INSL6: variants seen among roughly 807,000 people sequenced by gnomAD.
INSL6 encodes insulin like 6.
A neutral mutation model predicts 9.4 loss-of-function variants in INSL6; 16 were observed. That is an observed-to-expected ratio of 1.70 (90% CI 1.15 to 2.59). INSL6 has a LOEUF of 2.59. Among genes scored for constraint, INSL6 ranks in the 30% most tolerant of loss-of-function variants. The pLI is 0.00. For synonymous variants in INSL6, 154 were observed against 96.9 expected (o/e 1.59, Z -3.46); for missense variants, 391 against 257.3 (o/e 1.52, Z -3.56).
chr9:5,110,793 G>A, the INSL6 span: 12 of 408,290 alleles, frequency 2.9e-5, no homozygotes, highest in African/African-American at 2.1e-4. Flanking sequence ...CCCGGGCCAC[G>A]CGCGACGCCT....
At chr9:5,093,744 C>T in the INSL6 span, among the ~76,000 whole-genome samples, 1 of 152,110 alleles carries the variant, frequency 6.6e-6, no homozygotes, top group Non-Finnish European at 1.5e-5. Context: ...GATAACAGTG[C>T]AATCCTATTC....
the INSL6 span, among the ~76,000 whole-genome samples, chr9:5,088,188 T>G: frequency 6.6e-6 from 1 of 152,154 alleles, no homozygotes; most frequent in African/African-American, 2.4e-5. Context: ...AAGTTGTGGA[T>G]CAATATTCTA....
chr9:5,127,342 C>T (rs535932486), intron 3 of INSL6: 2 of 231,998 alleles, frequency 8.6e-6, no homozygotes, highest in East Asian at 1.2e-4. Flanking sequence ...TGTCCTTGTT[C>T]ATTTATATCG....
chr9:5,145,130 C>T (rs1271375217), intron 2 of INSL6, among the ~76,000 whole-genome samples: 1 of 152,156 alleles, frequency 6.6e-6, no homozygotes, highest in African/African-American at 2.4e-5. Context: ...TTAGTCCCTC[C>T]TTCAAGAGCT....
At chr9:5,141,399 T>C (rs182804500) in intron 2 of INSL6, among the ~76,000 whole-genome samples, 143 of 152,266 alleles carry the variant, frequency 9.4e-4, no homozygotes, top group East Asian at 1.7e-3. Flanking sequence ...GCCACTCTTA[T>C]TGGCATGAGA....
chr9:5,095,605 A>T, the INSL6 span, among the ~76,000 whole-genome samples: 1 of 152,096 alleles, frequency 6.6e-6, no homozygotes, highest in Admixed American at 6.5e-5. Flanking sequence ...AATGTCTGGC[A>T]TACTTCTCCT....
intron 3 of INSL6, chr9:5,132,032 G>C (rs971312015): frequency 6.6e-6 from 1 of 152,046 alleles, no homozygotes; most frequent in African/African-American, 2.4e-5. Flanking sequence ...TTTGCAGTTT[G>C]TTGAATAGAA....
At chr9:5,072,215 A>AT in the INSL6 span, among the ~76,000 whole-genome samples, 1 of 152,208 alleles carries the variant, frequency 6.6e-6, no homozygotes, top group Non-Finnish European at 1.5e-5. Context: ...CACTGACTCT[A>AT]TTTTTAAAAA....
intron 2 of INSL6, among the ~76,000 whole-genome samples, chr9:5,137,994 C>T (rs1454685627): frequency 5.3e-5 from 8 of 152,180 alleles, no homozygotes; most frequent in Non-Finnish European, 1.2e-4. Context: ...CTCATCATCA[C>T]TGGTCATTAG....
chr9:5,072,076 T>A, the INSL6 span, among the ~76,000 whole-genome samples: 1 of 152,168 alleles, frequency 6.6e-6, no homozygotes, highest in Non-Finnish European at 1.5e-5. Context: ...AGAGATTAAA[T>A]AGCCTGTACA....
chr9:5,001,410 T>G, the INSL6 span, among the ~76,000 whole-genome samples: 1 of 152,166 alleles, frequency 6.6e-6, no homozygotes, highest in African/African-American at 2.4e-5. Context: ...GTGTTGACTT[T>G]TGTCAAATGC....
intron 1 of INSL6, among the ~76,000 whole-genome samples, chr9:5,175,803 T>C (rs1024431910): frequency 6.6e-6 from 1 of 152,132 alleles, no homozygotes; most frequent in Non-Finnish European, 1.5e-5. Context: ...CTGTCTCCCA[T>C]CACCCCCAGA....
At chr9:5,116,162 T>A in the INSL6 span, among the ~76,000 whole-genome samples, 1 of 152,158 alleles carries the variant, frequency 6.6e-6, no homozygotes, top group Non-Finnish European at 1.5e-5. Flanking sequence ...TTGGAGAACA[T>A]GTATGATTAT....
chr9:5,020,509 C>G, the INSL6 span, among the ~76,000 whole-genome samples: 1 of 152,030 alleles, frequency 6.6e-6, no homozygotes, highest in African/African-American at 2.4e-5. Flanking sequence ...TGTGCTGTGC[C>G]CTGATGCTGG....
chr9:5,041,346 C>T, the INSL6 span: 4 of 651,880 alleles, frequency 6.1e-6, no homozygotes, highest in East Asian at 2.9e-5. Flanking sequence ...ACAGGTACGG[C>T]GTGCTACATG....
chr9:5,011,935 C>T, the INSL6 span, among the ~76,000 whole-genome samples: 1 of 152,110 alleles, frequency 6.6e-6, no homozygotes, highest in African/African-American at 2.4e-5. Context: ...AGATATTTAC[C>T]AGTTCCCTCT....
the INSL6 span, chr9:5,110,973 C>G: frequency 7.4e-5 from 46 of 617,988 alleles, 1 homozygote; most frequent in East Asian, 1.8e-3. Context: ...GTAACCTGGA[C>G]TTCAGCATGA....
At chr9:5,130,878 G>A (rs1433435371) in intron 3 of INSL6, among the ~76,000 whole-genome samples, 2 of 150,256 alleles carry the variant, frequency 1.3e-5, no homozygotes, top group African/African-American at 4.9e-5. Flanking sequence ...ACAGGCGCCT[G>A]CCACTACACC....
the INSL6 span, chr9:5,086,152 G>A: frequency 1.8e-4 from 65 of 365,158 alleles, no homozygotes; most frequent in East Asian, 3.3e-3. Flanking sequence ...CGCAAGGCTC[G>A]GGGAGCGGTC....
Sources: allele counts gnomAD v4.1 joint callset (sites outside exome capture counted in the v4.1 genomes callset), GRCh38; gene constraint gnomAD v4.1.1; transcripts MANE v1.5; gene names NCBI Gene and HGNC (gene_info 2026-07-23, HGNC 2026-07-21).